PLXNA4: variants seen among roughly 807,000 people sequenced by gnomAD.
PLXNA4 encodes plexin A4.
A neutral mutation model predicts 191.8 loss-of-function variants in PLXNA4; 44 were observed. That is an observed-to-expected ratio of 0.23 (90% CI 0.18 to 0.29). The LOEUF (loss-of-function observed/expected upper bound fraction) is 0.29. PLXNA4 is among the 10% of genes least tolerant of loss of function. The probability of loss-of-function intolerance (pLI) is 1.00; values close to 1 mark genes in which losing one functional copy is unlikely to be tolerated. For missense variants in PLXNA4, 1,800 were observed against 2,488.8 expected (o/e 0.72, Z 5.89); for synonymous variants, 1,082 against 1,009.5 (o/e 1.07, Z -1.36).
intron 29 of PLXNA4, among the ~76,000 whole-genome samples, chr7:132,143,266 G>A (rs1164967103): frequency 6.6e-6 from 1 of 152,106 alleles, no homozygotes; most frequent in Non-Finnish European, 1.5e-5. Context: ...GGGGGAAAGT[G>A]TCCTCAGGGT....
At chr7:132,454,617 A>T (rs1796249069) in intron 3 of PLXNA4, among the ~76,000 whole-genome samples, 1 of 152,008 alleles carries the variant, frequency 6.6e-6, no homozygotes, top group Non-Finnish European at 1.5e-5. Flanking sequence ...TCTGAATGTG[A>T]CTGTATTTGG....
At chr7:132,313,951 C>G (rs1322112996) in intron 3 of PLXNA4, among the ~76,000 whole-genome samples, 1 of 152,114 alleles carries the variant, frequency 6.6e-6, no homozygotes, top group East Asian at 1.9e-4. Context: ...TCCTACTTCC[C>G]TTCACGTTGC....
At chr7:132,153,719 C>T (rs1224155128) in intron 25 of PLXNA4, among the ~76,000 whole-genome samples, 1 of 152,206 alleles carries the variant, frequency 6.6e-6, no homozygotes. Context: ...GAGTCCCCTA[C>T]CTACCAGTAG....
chr7:132,346,777 C>T (rs916416149), intron 3 of PLXNA4, among the ~76,000 whole-genome samples: 3 of 152,208 alleles, frequency 2.0e-5, no homozygotes, highest in Non-Finnish European at 4.4e-5. Flanking sequence ...CACATACACA[C>T]ACACTTTACT....
intron 2 of PLXNA4, among the ~76,000 whole-genome samples, chr7:132,601,048 A>G (rs966636207): frequency 1.3e-5 from 2 of 152,170 alleles, no homozygotes; most frequent in African/African-American, 4.8e-5. Context: ...CTTAGTACAC[A>G]GAAACTTTTT....
In PLXNA4 at chr7:132,508,051, C is replaced by T. The variant is rs142904267; in HGVS notation, c.643G>A (p.Ala215Thr). ...ACGAACTCATCATGGAAGACGTACG[C>T]GAACATGCCATCCGCCTCAGAGTTC... is the stretch of plus-strand genomic sequence containing the variant. ...TKNSEADGMF[A>T]YVFHDEFVAS... The change falls in exon 2 of 32, where the codon GCG becomes ACG. Residue 215 changes from alanine (A) to threonine (T), a missense_variant. By Grantham distance (58) the Ala-to-Thr change is moderately conservative. Around this residue, in one of 6 missense-constraint regions of PLXNA4, gnomAD observed 1,397 missense variants for 1,880.4 expected, o/e 0.74. Coordinates refer to ENST00000321063, the MANE Select transcript of PLXNA4 (RefSeq NM_020911.2). The surrounding 1 kb of genome is among the most constrained non-coding windows in gnomAD (Gnocchi z 4.4). 4,272 of 1,614,222 alleles carry T rather than the reference C, an allele frequency of 2.6e-3. 10 individuals are homozygous for T. Among genetic ancestry groups the T allele is most frequent in the Middle Eastern group, 4.6e-3 (28 of 6,062 alleles).
chr7:132,215,658 G>A (rs1027312032), intron 9 of PLXNA4, among the ~76,000 whole-genome samples: 3 of 152,158 alleles, frequency 2.0e-5, no homozygotes, highest in African/African-American at 7.2e-5. Context: ...GGAAGGGAGA[G>A]GGGCTGGTGA....
In PLXNA4 at chr7:132,391,394, G is replaced by C. The variant is rs1336903043; in HGVS notation, c.1372-93172C>G. Among the ~76,000 whole-genome samples, 5 of 152,252 alleles carry C rather than the reference G, an allele frequency of 3.3e-5. No homozygotes were observed. The East Asian group carries it at 7.7e-4, about 23-fold the overall frequency. On this transcript the variant is annotated intron_variant, in intron 3 of 31. Transcript: ENST00000321063. ...CATTTGTCTTCTGTTACTGGGGACA[G>C]CTTGTGCTGATATGTTCTAATTACT...
chr7:132,466,942 T>A (rs1178625172), intron 3 of PLXNA4, among the ~76,000 whole-genome samples: 2 of 152,178 alleles, frequency 1.3e-5, no homozygotes, highest in African/African-American at 4.8e-5. Context: ...GCTGCCTGAC[T>A]AGAATGTTTT....
At chr7:132,540,598 T>TTTTTTTA in intron 1 of PLXNA4, among the ~76,000 whole-genome samples, 2 of 131,712 alleles carry the variant, frequency 1.5e-5, no homozygotes, top group Non-Finnish European at 3.3e-5. Context: ...TTTTTTTTTT[T>TTTTTTTA]GAGACGGAGT....
chr7:132,546,983 G>C (rs946130332), intron 1 of PLXNA4, among the ~76,000 whole-genome samples: 9 of 152,166 alleles, frequency 5.9e-5, no homozygotes, highest in African/African-American at 2.2e-4. Flanking sequence ...AGCCCAAAAG[G>C]ATGCTAATTT....
At chr7:132,345,852 C>A (rs1441891608) in intron 3 of PLXNA4, among the ~76,000 whole-genome samples, 2 of 152,084 alleles carry the variant, frequency 1.3e-5, no homozygotes, top group Non-Finnish European at 2.9e-5. Context: ...GGCACATTAC[C>A]CACCCCTCTC....
At chr7:132,442,511 C>A (rs1301026014) in intron 3 of PLXNA4, among the ~76,000 whole-genome samples, 1 of 152,200 alleles carries the variant, frequency 6.6e-6, no homozygotes, top group Non-Finnish European at 1.5e-5. Context: ...CTTTCCCCAC[C>A]ACCTACGTGT....
intron 2 of PLXNA4, among the ~76,000 whole-genome samples, chr7:132,596,435 G>A (rs1296495897): frequency 2.0e-5 from 3 of 152,188 alleles, no homozygotes; most frequent in African/African-American, 7.2e-5. Flanking sequence ...GCCCCAGGAC[G>A]CTGGAGAACA....
At chr7:132,224,781 C>A (rs1466279299) in intron 8 of PLXNA4, among the ~76,000 whole-genome samples, 1 of 152,102 alleles carries the variant, frequency 6.6e-6, no homozygotes, top group African/African-American at 2.4e-5. Context: ...GCTGGGAGGG[C>A]CGGATGCCTT....
intron 1 of PLXNA4, among the ~76,000 whole-genome samples, chr7:132,510,436 A>C (rs1798666440): frequency 1.4e-5 from 2 of 147,848 alleles, no homozygotes; most frequent in Middle Eastern, 3.4e-3. Context: ...GCAGTGCTGA[A>C]AGCCAAGGGC....
At chr7:132,482,850 G>C (rs1481526719) in intron 3 of PLXNA4, among the ~76,000 whole-genome samples, 2 of 152,008 alleles carry the variant, frequency 1.3e-5, no homozygotes, top group Admixed American at 6.6e-5. Flanking sequence ...GCACCATCAT[G>C]CCCGGCTAAT....
rs996035466 is a variant in PLXNA4, at chr7:132,124,330, G to C, written c.*6149C>G. 1 of 152,214 alleles carries C rather than the reference G, an allele frequency of 6.6e-6. No homozygotes were observed. Among genetic ancestry groups the C allele is most frequent in the Non-Finnish European group, 1.5e-5 (1 of 68,050 alleles). 9.4% of individuals were successfully genotyped at this position (152,214 alleles called of 1,614,324 possible). On this transcript the variant is annotated 3_prime_UTR_variant, in exon 32 of 32. Transcript: ENST00000321063. ...GAAAGGAGGACAGACAGATGAGCAC[G>C]TGTATCCCATCTTCGTCCTGTGCCT...
intron 1 of PLXNA4, among the ~76,000 whole-genome samples, chr7:132,515,171 G>C (rs1238117015): frequency 1.3e-5 from 2 of 152,192 alleles, no homozygotes; most frequent in Admixed American, 6.5e-5. Flanking sequence ...GGAGAGGCAA[G>C]GGCCTAAGAA....
Sources: allele counts gnomAD v4.1 joint callset (sites outside exome capture counted in the v4.1 genomes callset), GRCh38; gene constraint gnomAD v4.1.1; regional missense constraint gnomAD v4.1.1; non-coding constraint Gnocchi (gnomAD v3.1); transcripts MANE v1.5; gene names NCBI Gene and HGNC (gene_info 2026-07-23, HGNC 2026-07-21).